ANKIB1: variants seen among roughly 807,000 people sequenced by gnomAD.
The protein encoded by ANKIB1 is ankyrin repeat and IBR domain containing 1, also known as ankyrin repeat and IBR domain-containing protein 1.
In ANKIB1, 43 loss-of-function variants were observed where a neutral mutation model predicts 122.1. The observed-to-expected ratio is 0.35, with a 90% CI of 0.28 to 0.45. The LOEUF is 0.45. Ranked by LOEUF, ANKIB1 falls within the 20% of genes least tolerant of loss-of-function variation. The pLI is 1.00. For synonymous variants in ANKIB1, 390 were observed against 442.0 expected (o/e 0.88, Z 1.48); for missense variants, 992 against 1,329.5 (o/e 0.75, Z 3.95).
At chr7:92,366,803 C>CG (rs1399953953) in intron 10 of ANKIB1, among the ~76,000 whole-genome samples, 1 of 152,206 alleles carries the variant, frequency 6.6e-6, no homozygotes, top group East Asian at 1.9e-4. Flanking sequence ...CAAAAATGTC[C>CG]TGCCACACAG....
intron 1 of ANKIB1, among the ~76,000 whole-genome samples, chr7:92,264,893 A>G (rs1801638987): frequency 6.6e-6 from 1 of 152,242 alleles, no homozygotes; most frequent in South Asian, 2.1e-4. Context: ...AGGGATACAT[A>G]GATTCAGTGA....
intron 17 of ANKIB1, 104 bp from the exon 18 acceptor site, chr7:92,396,261 T>TA: frequency 1.4e-6 from 1 of 704,918 alleles, no homozygotes; most frequent in Non-Finnish European, 2.5e-6. Flanking sequence ...AAGATGTGTA[T>TA]AAAATCACAA....
chr7:92,281,037 C>T (rs573081474), intron 1 of ANKIB1, among the ~76,000 whole-genome samples: 70 of 152,162 alleles, frequency 4.6e-4, no homozygotes, highest in Middle Eastern at 3.4e-3. Context: ...GAAAAGGATT[C>T]GAAGCAAAAT....
At chr7:92,303,378 T>C (rs1015369480) in intron 2 of ANKIB1, among the ~76,000 whole-genome samples, 2 of 152,202 alleles carry the variant, frequency 1.3e-5, no homozygotes, top group African/African-American at 4.8e-5. Flanking sequence ...GATTTCTGAA[T>C]TAGGGATATT....
chr7:92,343,276 G>A (rs1441898807), intron 6 of ANKIB1, 44 bp downstream of exon 6: 3 of 1,514,750 alleles, frequency 2.0e-6, no homozygotes, highest in South Asian at 1.2e-5. Context: ...TTTGTTTATA[G>A]TCTTTTAACA....
chr7:92,371,430 T>G, intron 10 of ANKIB1, 47 bp from the exon 11 acceptor site: 1 of 1,548,578 alleles, frequency 6.5e-7, no homozygotes, highest in Non-Finnish European at 8.8e-7. Flanking sequence ...CCCCAGAAGT[T>G]GTACACTAAA....
At chr7:92,349,050 A>G (rs903971869) in intron 7 of ANKIB1, among the ~76,000 whole-genome samples, 1 of 152,206 alleles carries the variant, frequency 6.6e-6, no homozygotes, top group Non-Finnish European at 1.5e-5. Context: ...AAGAAAAAGA[A>G]AATGGAAGAG....
chr7:92,388,068 ATTAATATAAAATATCTTTCCATGC>A, intron 14 of ANKIB1, 27 bp downstream of exon 14: 2 of 1,530,856 alleles, frequency 1.3e-6, no homozygotes, highest in South Asian at 2.4e-5. Context: ...ATGTGTGATA[ATTAATATAAAATATCTTTCCATGC>A]TTGTCATTTC....
chr7:92,300,437 A>G (rs993197625), intron 2 of ANKIB1, among the ~76,000 whole-genome samples: 1 of 152,118 alleles, frequency 6.6e-6, no homozygotes, highest in Non-Finnish European at 1.5e-5. Flanking sequence ...GCTAGAAACA[A>G]ATTACCTTAT....
At chr7:92,343,833 G>T (rs535286057) in intron 6 of ANKIB1, among the ~76,000 whole-genome samples, 3 of 152,214 alleles carry the variant, frequency 2.0e-5, no homozygotes, top group East Asian at 3.9e-4. Context: ...AAAGCTTCTG[G>T]AGTTTGTTAT....
intron 7 of ANKIB1, among the ~76,000 whole-genome samples, chr7:92,350,236 T>C (rs966965204): frequency 2.6e-5 from 4 of 152,126 alleles, no homozygotes; most frequent in Non-Finnish European, 5.9e-5. Flanking sequence ...TCCCAAAATA[T>C]CTTGAATTAT....
chr7:92,375,557 T>G (rs1424604524), intron 11 of ANKIB1, among the ~76,000 whole-genome samples: 1 of 152,262 alleles, frequency 6.6e-6, no homozygotes, highest in Non-Finnish European at 1.5e-5. Flanking sequence ...TTATAGCAAT[T>G]CAGTCACATC....
In ANKIB1 at chr7:92,400,239, T is replaced by G. The variant is rs1443847913; in HGVS notation, c.*1290T>G. ...GTTCTACTGCGCAATACTCATTTGCTGTGTGATTACTGTTTAGTGTTGAAA... is the reference window on the plus strand; with the variant it reads ...GTTCTACTGCGCAATACTCATTTGCGGTGTGATTACTGTTTAGTGTTGAAA... On this transcript the variant is annotated 3_prime_UTR_variant, in exon 20 of 20. Coordinates refer to ENST00000265742, the MANE Select transcript of ANKIB1 (RefSeq NM_019004.2). 6.6e-6 allele frequency: 1 copy of G among 152,220 alleles called. No individual in the cohort carries two copies. The highest frequency in any genetic ancestry group is 2.4e-5 in the African/African-American group (1 of 41,456). The allele number at this position is 152,220 out of a possible 1,614,324, so 9.4% of individuals were successfully genotyped here.
At chr7:92,325,281 C>G (rs952507264) in intron 4 of ANKIB1, among the ~76,000 whole-genome samples, 1 of 152,208 alleles carries the variant, frequency 6.6e-6, no homozygotes, top group Non-Finnish European at 1.5e-5. Flanking sequence ...TGGCAAGAAA[C>G]TCATGCTGGA....
intron 5 of ANKIB1, among the ~76,000 whole-genome samples, chr7:92,328,125 T>A (rs574242319): frequency 6.6e-6 from 1 of 152,224 alleles, no homozygotes; most frequent in Non-Finnish European, 1.5e-5. Flanking sequence ...GGAAAATTCT[T>A]TTTAGAAATT....
intron 11 of ANKIB1, among the ~76,000 whole-genome samples, chr7:92,381,599 A>C (rs527609204): frequency 1.3e-5 from 2 of 152,344 alleles, no homozygotes; most frequent in East Asian, 3.9e-4. Context: ...ACATTCTTAA[A>C]GAAAAGAATT....
chr7:92,362,321 C>T (rs771784224), intron 10 of ANKIB1, 48 bp downstream of exon 10: 1 of 1,492,870 alleles, frequency 6.7e-7, no homozygotes, highest in East Asian at 2.4e-5. Flanking sequence ...TGATAGCATT[C>T]AAAAGATAAT....
Position 92,352,476 on chromosome 7 carries a change from G to A in ANKIB1, c.1231G>A (p.Ala411Thr). Residue 411 changes from alanine (A) to threonine (T), a missense_variant and splice_region_variant, in exon 9 of 20, where the codon GCC (alanine) becomes ACC (threonine). Ala to Thr is a moderately conservative substitution (Grantham distance 58). Transcript: ENST00000265742. ...TGTTTTGTTATTGCTGTTTAAACAG[G>A]CCTTTGTTGAAAATAATCCTGCCAT... ...DKRYLQFDIK[A>T]FVENNPAIKW... 1 of 1,612,658 alleles carries A rather than the reference G, an allele frequency of 6.2e-7. No homozygotes were observed. The highest frequency in any genetic ancestry group is 8.5e-7 in the Non-Finnish European group (1 of 1,179,530).
At chr7:92,269,606 G>C (rs1293095631) in intron 1 of ANKIB1, among the ~76,000 whole-genome samples, 1 of 152,134 alleles carries the variant, frequency 6.6e-6, no homozygotes, top group African/African-American at 2.4e-5. Context: ...CCCTGTTATA[G>C]ACTAGAATTA....
Sources: gnomAD v4.1 joint callset for allele counts (sites outside exome capture counted in the v4.1 genomes callset) on GRCh38, gnomAD v4.1.1 for gene constraint, MANE v1.5 for transcripts, NCBI Gene and HGNC (gene_info 2026-07-23, HGNC 2026-07-21) for gene names.